Variants in PLBD1 observed in about 807,000 individuals in gnomAD.
PLBD1 encodes lysosomal leucine aminopeptidase.
In PLBD1, 60 loss-of-function variants were observed where a neutral mutation model predicts 63.0. That is an observed-to-expected ratio of 0.95 (90% CI 0.77 to 1.18). The LOEUF (loss-of-function observed/expected upper bound fraction) is 1.18. Among genes scored for constraint, PLBD1 ranks in the 50% most tolerant of loss-of-function variants. The pLI is 0.00. For synonymous variants in PLBD1, 262 were observed against 248.0 expected (o/e 1.06, Z -0.53); for missense variants, 598 against 677.9 (o/e 0.88, Z 1.31).
At chr12:14,555,679 C>T (rs1490412682) in intron 1 of PLBD1, among the ~76,000 whole-genome samples, 2 of 152,210 alleles carry the variant, frequency 1.3e-5, no homozygotes, top group African/African-American at 2.4e-5. Flanking sequence ...AGCTCTCCAA[C>T]CTGCCAGTAA....
chr12:14,552,064 T>C (rs1478176410), intron 2 of PLBD1, among the ~76,000 whole-genome samples: 1 of 152,194 alleles, frequency 6.6e-6, no homozygotes, highest in South Asian at 2.1e-4. Context: ...TAACTAGTCA[T>C]TCAACATCTG....
At chr12:14,538,493 C>T (rs1945538662) in intron 4 of PLBD1, among the ~76,000 whole-genome samples, 1 of 152,124 alleles carries the variant, frequency 6.6e-6, no homozygotes, top group Non-Finnish European at 1.5e-5. Flanking sequence ...TGCACCCAGC[C>T]TGTCTTCACT....
intron 6 of PLBD1, among the ~76,000 whole-genome samples, chr12:14,532,880 T>G (rs1945477159): frequency 6.6e-6 from 1 of 152,104 alleles, no homozygotes; most frequent in South Asian, 2.1e-4. Flanking sequence ...TGGAGGGGGA[T>G]TTAGGTAATT....
intron 4 of PLBD1, among the ~76,000 whole-genome samples, chr12:14,540,438 C>A (rs1945563386): frequency 6.6e-6 from 1 of 151,846 alleles, no homozygotes; most frequent in Non-Finnish European, 1.5e-5. Flanking sequence ...AACATCTTGT[C>A]TTAATGAGCA....
chr12:14,534,638 G>A (rs1317265802), intron 6 of PLBD1, among the ~76,000 whole-genome samples: 1 of 151,732 alleles, frequency 6.6e-6, no homozygotes, highest in South Asian at 2.1e-4. Flanking sequence ...CCGCCTCCCG[G>A]GTTCACGCCA....
intron 10 of PLBD1, among the ~76,000 whole-genome samples, chr12:14,505,312 C>A (rs925461278): frequency 6.6e-6 from 1 of 152,044 alleles, no homozygotes; most frequent in Non-Finnish European, 1.5e-5. Context: ...ACACACTTTA[C>A]CCTGACAGGT....
At chr12:14,524,198 T>G (rs981555100) in intron 6 of PLBD1, among the ~76,000 whole-genome samples, 1 of 152,114 alleles carries the variant, frequency 6.6e-6, no homozygotes, top group African/African-American at 2.4e-5. Flanking sequence ...GGTACAAAAT[T>G]ACAGTTAGAT....
chr12:14,506,191 G>T lies in PLBD1; in HGVS notation c.1450C>A (p.Pro484Thr). ...GTGTCATAACAACCTCCAGGACTTGGGTTAGGTGAGTTCAGGTCCTCACGG... is the reference window on the plus strand; with the variant it reads ...GTGTCATAACAACCTCCAGGACTTGTGTTAGGTGAGTTCAGGTCCTCACGG... ...CCREDLNSPN[P>T]SPGGCYDTKV... The change falls in exon 10 of 11, where the codon CCA (proline) becomes ACA (threonine). Residue 484 changes from proline (P) to threonine (T), a missense_variant. Coordinates refer to ENST00000240617, the MANE Select transcript of PLBD1 (RefSeq NM_024829.6). 1 of 1,611,968 alleles carries T rather than the reference G, an allele frequency of 6.2e-7. No individual in the cohort carries two copies. The highest frequency in any genetic ancestry group is 1.1e-5 in the South Asian group (1 of 90,814).
chr12:14,503,799 T>C lies in PLBD1; in HGVS notation c.1635A>G (p.Lys545=). 1.9e-6 allele frequency: 3 copies of C among 1,613,708 alleles called. No homozygotes were observed. The highest frequency in any genetic ancestry group is 1.1e-5 in the South Asian group (1 of 91,038). ...EVYNFDFITM[K]PILKLDIK is the part of the protein sequence containing the mutation. Reference sequence around the variant, plus strand: ...ATTTTATATCAAGTTTCAAAATTGGTTTCATGGTAATAAAATCAAAGTTGT... The same window carrying C: ...ATTTTATATCAAGTTTCAAAATTGGCTTCATGGTAATAAAATCAAAGTTGT... The change falls in exon 11 of 11, where the codon AAA becomes AAG. Residue 545 remains lysine (K), a synonymous_variant. Coordinates refer to ENST00000240617, the MANE Select transcript of PLBD1 (RefSeq NM_024829.6).
chr12:14,519,173 T>C lies in PLBD1; in HGVS notation c.845-7462A>G, dbSNP rs78591676. 2.0e-5 allele frequency among the ~76,000 whole-genome samples: 3 copies of C among 152,368 alleles called. No individual in the cohort carries two copies. The East Asian group carries it at 5.8e-4, about 29-fold the overall frequency. ...GTATTCCTAAACCCGTGATATGGAC[T>C]GAATTCTGTTTCCTCAAAATTCATA... On this transcript the variant is annotated intron_variant, in intron 6 of 10. Transcript: ENST00000240617.
chr12:14,505,636 T>A (rs1945248584), intron 10 of PLBD1, among the ~76,000 whole-genome samples: 1 of 152,226 alleles, frequency 6.6e-6, no homozygotes, highest in Non-Finnish European at 1.5e-5. Flanking sequence ...TATTTTCAGA[T>A]ACATTACAGC....
At chr12:14,543,319 A>T (rs1945590203) in intron 2 of PLBD1, among the ~76,000 whole-genome samples, 1 of 152,176 alleles carries the variant, frequency 6.6e-6, no homozygotes, top group Admixed American at 6.5e-5. Flanking sequence ...CTTCCTCCAA[A>T]CATAAAGCAT....
intron 6 of PLBD1, among the ~76,000 whole-genome samples, chr12:14,515,687 AGACTT>A (rs1209952582): frequency 6.6e-6 from 1 of 152,200 alleles, no homozygotes; most frequent in East Asian, 1.9e-4. Flanking sequence ...TAGATTATGA[AGACTT>A]GACTTAAATT....
At position 14,511,711 on chromosome 12, in the gene PLBD1, C is replaced by A. The variant is rs1166212737; in HGVS notation, c.845G>T (p.Gly282Val). Reference sequence around the variant, plus strand: ...AAAATCATCCAGAGACTCCAAAAACCCTACAGGAAAGACAAATATACACAT... The same window carrying A: ...AAAATCATCCAGAGACTCCAAAAACACTACAGGAAAGACAAATATACACAT... ...SSRLSFSSYP[G>V]FLESLDDFYI... Residue 282 changes from glycine to valine, a missense_variant and splice_region_variant, in exon 7 of 11, where the codon GGG (glycine) becomes GTG (valine). By Grantham distance (109) the Gly-to-Val change is moderately radical. Transcript: ENST00000240617. The A allele has an allele frequency of 1.2e-6, 2 of 1,613,600 alleles. No homozygotes were observed.
At chr12:14,554,651 C>T (rs1166872652) in intron 1 of PLBD1, among the ~76,000 whole-genome samples, 2 of 152,000 alleles carry the variant, frequency 1.3e-5, no homozygotes, top group Non-Finnish European at 2.9e-5. Flanking sequence ...GCAGTCTGCT[C>T]TCCACCTCCA....
rs77632507 is a variant in PLBD1, at chr12:14,516,513, G to A, written c.845-4802C>T. ...GATCAATGAAATATGAATTTCTATGGATGACACTGCATTTTTAGCAAGCTC... is the reference window on the plus strand; with the variant it reads ...GATCAATGAAATATGAATTTCTATGAATGACACTGCATTTTTAGCAAGCTC... On this transcript the variant is annotated intron_variant, in intron 6 of 10. Coordinates refer to ENST00000240617, the MANE Select transcript of PLBD1 (RefSeq NM_024829.6). Among the ~76,000 whole-genome samples the A allele has an allele frequency of 3.1e-3, 474 of 152,226 alleles. 24 individuals are homozygous for A. The East Asian group carries it at 0.079, about 25-fold the overall frequency.
At chr12:14,562,957 CAT>C (rs1430133769) in intron 1 of PLBD1, among the ~76,000 whole-genome samples, 1 of 152,094 alleles carries the variant, frequency 6.6e-6, no homozygotes, top group African/African-American at 2.4e-5. Context: ...AGACAAAGTT[CAT>C]ATGTTTCTTA....
chr12:14,526,051 T>C (rs1052425941), intron 6 of PLBD1, among the ~76,000 whole-genome samples: 4 of 151,614 alleles, frequency 2.6e-5, no homozygotes, highest in Non-Finnish European at 5.9e-5. Flanking sequence ...TTTGTTAAAA[T>C]GTTTAACACA....
intron 6 of PLBD1, among the ~76,000 whole-genome samples, chr12:14,523,844 T>A (rs2136912843): frequency 6.6e-6 from 1 of 152,312 alleles, no homozygotes; most frequent in South Asian, 2.1e-4. Context: ...GTTAAAGAGA[T>A]ATCCACACTC....
Sources: gnomAD v4.1 joint callset for allele counts (sites outside exome capture counted in the v4.1 genomes callset) on GRCh38, gnomAD v4.1.1 for gene constraint, MANE v1.5 for transcripts, NCBI Gene and HGNC (gene_info 2026-07-23, HGNC 2026-07-21) for gene names.